The following CCDC57 variants were observed in gnomAD, a reference collection of about 807,000 sequenced individuals.
CCDC57 encodes the protein coiled-coil domain-containing protein 57.
Under a neutral mutation model 118.9 loss-of-function variants are expected in CCDC57, and 118 were observed. The observed-to-expected ratio is 0.99, with a 90% CI of 0.86 to 1.16. CCDC57 has a LOEUF of 1.16. CCDC57 is among the 50% of genes most tolerant of loss of function. CCDC57 has a pLI of 0.00. For synonymous variants in CCDC57, 527 were observed against 532.9 expected (o/e 0.99, Z 0.15); for missense variants, 1,300 against 1,320.7 (o/e 0.98, Z 0.24).
At chr17:82,113,179 G>A (rs1271355053) in intron 19 of CCDC57, 3 of 581,558 alleles carry the variant, frequency 5.2e-6, no homozygotes, top group Non-Finnish European at 9.2e-6. Context: ...TTCCAAGACT[G>A]CCCTGTCCTT....
At chr17:82,107,112 C>T (rs2034904406) in intron 19 of CCDC57, among the ~76,000 whole-genome samples, 1 of 152,232 alleles carries the variant, frequency 6.6e-6, no homozygotes, top group Non-Finnish European at 1.5e-5. Flanking sequence ...ACGCCAGCCA[C>T]ACACTTATCA....
At chr17:82,208,488 C>CTCG (rs1271896716) in intron 1 of CCDC57, among the ~76,000 whole-genome samples, 6 of 152,102 alleles carry the variant, frequency 3.9e-5, no homozygotes, top group African/African-American at 1.4e-4. Context: ...AACTCCTGAC[C>CTCG]TCGTGATTCA....
intron 17 of CCDC57, among the ~76,000 whole-genome samples, chr17:82,131,976 G>C (rs2038435511): frequency 6.6e-6 from 1 of 151,852 alleles, no homozygotes; most frequent in South Asian, 2.1e-4. Context: ...AATAAGGCCA[G>C]GCATGCTGGC....
intron 18 of CCDC57, 93 bp downstream of exon 17, chr17:82,128,400 G>A (rs1228648625): frequency 3.8e-6 from 3 of 796,240 alleles, no homozygotes; most frequent in Non-Finnish European, 6.0e-6. Flanking sequence ...GCAGAGCGAA[G>A]GCCCCTCCGA....
Position 82,127,909 on chromosome 17 carries a change from C to T in CCDC57, c.2683-1G>A, listed in dbSNP as rs1171946337. 6.8e-6 allele frequency: 11 copies of T among 1,611,492 alleles called. No homozygotes were observed. The highest frequency in any genetic ancestry group is 9.3e-6 in the Non-Finnish European group (11 of 1,179,114). ...TCACCGTGTGGATGCTGTGTTGTGT[C>T]TAGAAAAGACATCATCGTCTTGAAA... is the stretch of plus-strand genomic sequence containing the variant. On this transcript the variant is annotated splice_acceptor_variant, in intron 18 of 19. Coordinates refer to ENST00000665763, the Ensembl canonical transcript of CCDC57. LOFTEE classifies it high-confidence loss of function.
chr17:82,126,367 A>G, intron 19 of CCDC57: 2 of 967,064 alleles, frequency 2.1e-6, no homozygotes, highest in Non-Finnish European at 2.5e-6. Flanking sequence ...AAAAAACACC[A>G]TAATAAACAT....
intron 11 of CCDC57, 79 bp downstream of exon 10, chr17:82,178,395 G>T: frequency 6.8e-7 from 1 of 1,478,902 alleles, no homozygotes; most frequent in Non-Finnish European, 9.0e-7. Flanking sequence ...TCCAGTCTTG[G>T]TAGGATTTGG....
chr17:82,198,340 C>T (rs899095168), exon 4 of CCDC57: 26 of 1,613,352 alleles, frequency 1.6e-5, no homozygotes, highest in Non-Finnish European at 1.9e-5. Flanking sequence ...AGCTCACCGT[C>T]GAGCTCCTCA....
chr17:82,109,364 C>T (rs548091079), intron 19 of CCDC57, among the ~76,000 whole-genome samples: 2 of 152,196 alleles, frequency 1.3e-5, no homozygotes, highest in Non-Finnish European at 2.9e-5. Context: ...GATGTTACCA[C>T]AGGACAAAAT....
At chr17:82,102,409 A>G (rs529857387) in intron 19 of CCDC57, among the ~76,000 whole-genome samples, 76 of 152,380 alleles carry the variant, frequency 5.0e-4, no homozygotes, top group Admixed American at 1.5e-3. Flanking sequence ...GGAGTGCGCT[A>G]CACACAGAGG....
exon 17 of CCDC57, chr17:82,134,130 C>T (rs1223498556): frequency 7.2e-7 from 1 of 1,396,950 alleles, no homozygotes; most frequent in Non-Finnish European, 9.3e-7. Flanking sequence ...CCAAAGGCCT[C>T]CTGGGCTCCT....
chr17:82,206,977 C>A (rs1243343840), intron 2 of CCDC57, among the ~76,000 whole-genome samples: 1 of 152,132 alleles, frequency 6.6e-6, no homozygotes, highest in Non-Finnish European at 1.5e-5. Context: ...AGCCCTTTCC[C>A]GAAACAAACC....
chr17:82,117,209 G>A (rs1477577997), intron 19 of CCDC57, among the ~76,000 whole-genome samples: 1 of 151,368 alleles, frequency 6.6e-6, no homozygotes, highest in Non-Finnish European at 1.5e-5. Flanking sequence ...AAAAATTAGC[G>A]AGGCATGGTG....
At chr17:82,210,396 G>T (rs2050083316) in intron 1 of CCDC57, among the ~76,000 whole-genome samples, 1 of 152,088 alleles carries the variant, frequency 6.6e-6, no homozygotes, top group Admixed American at 6.6e-5. Flanking sequence ...ATCTTGCTGG[G>T]CGTTGTGGCT....
chr17:82,172,748 T>C lies in CCDC57; in HGVS notation c.1619A>G (p.Lys540Arg). The C allele has an allele frequency of 6.2e-7, 1 of 1,609,588 alleles. No homozygotes were observed. The highest frequency in any genetic ancestry group is 1.3e-5 in the African/African-American group (1 of 75,008). Reference sequence around the variant, plus strand: ...CTGATGGCTTAGAGCCTCCATTTCTTTCCTCATCTGGGCAATCGCGTTTCG... The same window carrying C: ...CTGATGGCTTAGAGCCTCCATTTCTCTCCTCATCTGGGCAATCGCGTTTCG... Residue 540 changes from lysine (K) to arginine (R), a missense_variant, in exon 12 of 20, where the codon AAA (lysine) becomes AGA (arginine). Lys to Arg is a conservative substitution (Grantham distance 26). Coordinates refer to ENST00000665763, the Ensembl canonical transcript of CCDC57. The surrounding 1 kb of genome is among the most constrained non-coding windows in gnomAD (Gnocchi z 5.2).
At chr17:82,116,876 G>A (rs2035986425) in intron 19 of CCDC57, among the ~76,000 whole-genome samples, 1 of 152,228 alleles carries the variant, frequency 6.6e-6, no homozygotes, top group Non-Finnish European at 1.5e-5. Context: ...CCCCACAGCA[G>A]GGCCCTCTCC....
chr17:82,201,032 C>T (rs1291936496), intron 3 of CCDC57, among the ~76,000 whole-genome samples: 114 of 152,218 alleles, frequency 7.5e-4, no homozygotes, highest in Non-Finnish European at 2.4e-4. Context: ...TTCCTGTCTC[C>T]TCAAACTCTC....
At chr17:82,120,545 CA>C (rs1352449931) in intron 19 of CCDC57, among the ~76,000 whole-genome samples, 1 of 152,184 alleles carries the variant, frequency 6.6e-6, no homozygotes, top group African/African-American at 2.4e-5. Flanking sequence ...ACGCAGTTTC[CA>C]AGGTTTTAAG....
intron 16 of CCDC57, among the ~76,000 whole-genome samples, chr17:82,145,026 C>CTTTTTTTTTTTTTTTT (rs63184860): frequency 8.3e-6 from 1 of 120,262 alleles, no homozygotes; most frequent in Non-Finnish European, 1.7e-5. Context: ...TTTTTTTTTT[C>CTTTTTTTTTTTTTTTT]TTTTTTTTTT....
Sources: gnomAD v4.1 joint callset for allele counts (sites outside exome capture counted in the v4.1 genomes callset) on GRCh38, gnomAD v4.1.1 for gene constraint, Gnocchi (gnomAD v3.1) non-coding constraint, MANE v1.5 for transcripts, NCBI Gene and HGNC (gene_info 2026-07-23, HGNC 2026-07-21) for gene names.